FBXL5: variants seen among roughly 807,000 people sequenced by gnomAD.
The protein encoded by FBXL5 is F-box and leucine rich repeat protein 5.
A neutral mutation model predicts 78.3 loss-of-function variants in FBXL5; 26 were observed. The ratio of observed to expected loss-of-function variants is 0.33; its 90% CI spans 0.24 to 0.46. The LOEUF is 0.46. Among genes scored for constraint, FBXL5 ranks in the 20% least tolerant of loss-of-function variants. The pLI is 1.00. For missense variants in FBXL5, 710 were observed against 829.2 expected, an observed-to-expected ratio of 0.86 and a Z score of 1.77; for synonymous variants, 295 against 282.5, an observed-to-expected ratio of 1.04 and a Z score of -0.45.
At chr4:15,650,124 C>T (rs564671590) in intron 1 of FBXL5, among the ~76,000 whole-genome samples, 1 of 152,206 alleles carries the variant, frequency 6.6e-6, no homozygotes, top group Non-Finnish European at 1.5e-5. Context: ...TTGTCACCAC[C>T]GGAAATGTAC....
At chr4:15,646,467 A>AT (rs1443751082) in intron 1 of FBXL5, among the ~76,000 whole-genome samples, 1 of 151,888 alleles carries the variant, frequency 6.6e-6, no homozygotes, top group African/African-American at 2.4e-5. Context: ...TTTGGAAAAA[A>AT]AAAAAAAGGC....
chr4:15,624,839 C>A (rs945365497), intron 9 of FBXL5, among the ~76,000 whole-genome samples: 1 of 152,114 alleles, frequency 6.6e-6, no homozygotes, highest in Non-Finnish European at 1.5e-5. Context: ...AAATGACTTC[C>A]AGGGACAGCC....
chr4:15,680,952 T>C (rs1027498248), intron 1 of FBXL5, among the ~76,000 whole-genome samples: 15 of 148,640 alleles, frequency 1.0e-4, no homozygotes, highest in Admixed American at 6.8e-4. Context: ...TATATGTTTT[T>C]TGTTTCACAT....
chr4:15,663,754 A>G (rs1205010487), upstream of FBXL5, among the ~76,000 whole-genome samples: 1 of 152,178 alleles, frequency 6.6e-6, no homozygotes, highest in Non-Finnish European at 1.5e-5. Flanking sequence ...ACACTAGGTG[A>G]CTATCATTTG....
chr4:15,658,931 G>C (rs1215008997), upstream of FBXL5, among the ~76,000 whole-genome samples: 1 of 152,152 alleles, frequency 6.6e-6, no homozygotes, highest in Non-Finnish European at 1.5e-5. Flanking sequence ...TATGCAGCAG[G>C]AGCTTGAGAT....
At chr4:15,672,038 T>C (rs879836431) in intron 1 of FBXL5, among the ~76,000 whole-genome samples, 6 of 152,348 alleles carry the variant, frequency 3.9e-5, no homozygotes, top group Admixed American at 2.0e-4. Flanking sequence ...ATTGTGGATT[T>C]TACCTTTCTA....
intron 1 of FBXL5, among the ~76,000 whole-genome samples, chr4:15,650,661 C>CTTTT (rs34334098): frequency 1.9e-3 from 144 of 77,796 alleles, no homozygotes; most frequent in African/African-American, 3.8e-3. Flanking sequence ...AACTGACTTT[C>CTTTT]TTTTTTTTTT....
chr4:15,644,573 G>C lies in FBXL5; in HGVS notation c.220C>G (p.Gln74Glu). ...TCAGAATGTACATTATAAATGGTCT[G>C]GCTGCGTTGTTGAAGCAAACCAATA... ...YIIGLLQQRS[Q>E]TIYNVHSDNK... The change falls in exon 2 of 11, where the codon CAG (glutamine) becomes GAG (glutamate). Residue 74 changes from glutamine (Q) to glutamate (E), a missense_variant. Coordinates refer to ENST00000341285, the MANE Select transcript of FBXL5 (RefSeq NM_012161.4). 1.2e-6 allele frequency: 2 copies of C among 1,614,026 alleles called. No homozygotes were observed. The highest frequency in any genetic ancestry group is 1.7e-6 in the Non-Finnish European group (2 of 1,179,966).
chr4:15,605,868 G>T, intron 10 of FBXL5, 69 bp from the exon 11 acceptor site: 1 of 1,236,774 alleles, frequency 8.1e-7, no homozygotes, highest in Non-Finnish European at 1.2e-6. Context: ...TTTTGCTTAT[G>T]AAGGAGTTAA....
intron 1 of FBXL5, among the ~76,000 whole-genome samples, chr4:15,649,441 T>C (rs559637594): frequency 6.6e-6 from 1 of 151,850 alleles, no homozygotes; most frequent in African/African-American, 2.4e-5. Flanking sequence ...TAGTTGGGCG[T>C]GGTTAGCACA....
intron 10 of FBXL5, among the ~76,000 whole-genome samples, chr4:15,611,093 G>A (rs566738065): frequency 6.6e-6 from 1 of 152,008 alleles, no homozygotes; most frequent in Non-Finnish European, 1.5e-5. Context: ...CAACTATGAT[G>A]ACATTCACTT....
At chr4:15,675,871 C>T (rs1717976687) in intron 1 of FBXL5, among the ~76,000 whole-genome samples, 1 of 152,156 alleles carries the variant, frequency 6.6e-6, no homozygotes. Flanking sequence ...GCATGAGCCA[C>T]CGCGCCCAGC....
chr4:15,609,531 C>T (rs1403768213), intron 10 of FBXL5, among the ~76,000 whole-genome samples: 1 of 151,962 alleles, frequency 6.6e-6, no homozygotes, highest in Admixed American at 6.6e-5. Flanking sequence ...GTGTCACCTC[C>T]AAAACTATGA....
rs78255455 is a variant in FBXL5, at chr4:15,604,766, A to G, written c.*957T>C. On this transcript the variant is annotated 3_prime_UTR_variant, in exon 11 of 11. Coordinates refer to ENST00000341285, the MANE Select transcript of FBXL5 (RefSeq NM_012161.4). The stretch of plus-strand genomic sequence containing the variant: ...ACTAGTATGTGCCTTTCTGGGTGGC[A>G]GGCCTCCACTCTCATGATGTTTTAA... 667 of 152,368 alleles carry G rather than the reference A, an allele frequency of 4.4e-3. 6 individuals carry two copies. Among genetic ancestry groups the G allele is most frequent in the African/African-American group, 0.016 (651 of 41,580 alleles). 9.4% of individuals were successfully genotyped at this position (152,368 alleles called of 1,614,324 possible).
At chr4:15,634,445 C>A (rs1354357289) in intron 5 of FBXL5, among the ~76,000 whole-genome samples, 3 of 151,986 alleles carry the variant, frequency 2.0e-5, no homozygotes, top group Non-Finnish European at 4.4e-5. Context: ...AGCTCACTGC[C>A]ACCTCTGCCT....
At chr4:15,617,682 C>T (rs2148545995) in intron 9 of FBXL5, among the ~76,000 whole-genome samples, 1 of 152,224 alleles carries the variant, frequency 6.6e-6, no homozygotes, top group East Asian at 1.9e-4. Context: ...AACTGGTAAA[C>T]CATCCTTAGC....
chr4:15,610,012 C>T (rs533367299), intron 10 of FBXL5, among the ~76,000 whole-genome samples: 30 of 152,054 alleles, frequency 2.0e-4, no homozygotes, highest in African/African-American at 6.5e-4. Flanking sequence ...TTTAGCTAAA[C>T]GTCACTTTCA....
At chr4:15,612,470 T>C in intron 9 of FBXL5, 56 bp from the exon 10 acceptor site, 1 of 1,472,084 alleles carries the variant, frequency 6.8e-7, no homozygotes, top group Non-Finnish European at 9.1e-7. Context: ...AATGTTTGTA[T>C]TCCTATGGTT....
chr4:15,637,489 T>C (rs1384774902), intron 4 of FBXL5, among the ~76,000 whole-genome samples: 2 of 152,202 alleles, frequency 1.3e-5, no homozygotes, highest in Non-Finnish European at 2.9e-5. Context: ...AACTTAAATA[T>C]AGAAATGCTA....
Sources: allele counts gnomAD v4.1 joint callset (sites outside exome capture counted in the v4.1 genomes callset), GRCh38; gene constraint gnomAD v4.1.1; transcripts MANE v1.5; gene names NCBI Gene and HGNC (gene_info 2026-07-23, HGNC 2026-07-21).